Variants in HSD17B12 observed in about 807,000 individuals in gnomAD.
HSD17B12 encodes very-long-chain 3-oxoacyl-CoA reductase.
A neutral mutation model predicts 39.3 loss-of-function variants in HSD17B12; 32 were observed. That is an observed-to-expected ratio of 0.81 (90% CI 0.61 to 1.09). The LOEUF is 1.09. Ranked by LOEUF, HSD17B12 falls within the 50% of genes least tolerant of loss-of-function variation. The probability of loss-of-function intolerance (pLI) is 0.00; values close to 1 mark genes in which losing one functional copy is unlikely to be tolerated. For synonymous variants in HSD17B12, 150 were observed against 146.7 expected (o/e 1.02, Z -0.16); for missense variants, 342 against 382.9 (o/e 0.89, Z 0.89).
intron 3 of HSD17B12, among the ~76,000 whole-genome samples, chr11:43,790,813 G>A (rs945587292): frequency 9.3e-5 from 14 of 151,002 alleles, no homozygotes; most frequent in African/African-American, 3.4e-4. Flanking sequence ...CCAACATGGT[G>A]AAACCCCATC....
intron 1 of HSD17B12, among the ~76,000 whole-genome samples, chr11:43,724,949 G>A (rs1950208093): frequency 6.6e-6 from 1 of 152,116 alleles, no homozygotes. Flanking sequence ...TAAAAACTCA[G>A]ATTCCCAGAG....
chr11:43,574,023 C>T, the HSD17B12 span, among the ~76,000 whole-genome samples: 1 of 152,220 alleles, frequency 6.6e-6, no homozygotes, highest in Non-Finnish European at 1.5e-5. Context: ...CAGCAACATT[C>T]TCACATGCAT....
chr11:43,839,967 G>A (rs780462642), intron 8 of HSD17B12, 32 bp from the exon 9 acceptor site: 1 of 1,538,170 alleles, frequency 6.5e-7, no homozygotes, highest in South Asian at 1.1e-5. Context: ...TGTAATGTGT[G>A]TGTTTTCTTC....
At chr11:43,742,758 G>GTTT in intron 1 of HSD17B12, among the ~76,000 whole-genome samples, 1 of 149,680 alleles carries the variant, frequency 6.7e-6, no homozygotes. Flanking sequence ...TTTTGTGTGT[G>GTTT]TGTTTTTTTT....
the HSD17B12 span, among the ~76,000 whole-genome samples, chr11:43,620,663 C>G: frequency 6.6e-6 from 1 of 152,162 alleles, no homozygotes; most frequent in Non-Finnish European, 1.5e-5. Context: ...TTTTTCTTGA[C>G]AGCACCCCAT....
chr11:43,572,573 A>T, the HSD17B12 span, among the ~76,000 whole-genome samples: 2 of 152,212 alleles, frequency 1.3e-5, no homozygotes, highest in South Asian at 2.1e-4. Flanking sequence ...CAAGCTGTTT[A>T]AACGTTATGG....
In HSD17B12 at chr11:43,856,101, GACT is replaced by G. The variant is rs1951581066; in HGVS notation, c.*854_*856del. 1 of 152,210 alleles carries G rather than the reference GACT, an allele frequency of 6.6e-6. No individual in the cohort carries two copies. Among genetic ancestry groups the G allele is most frequent in the Non-Finnish European group, 1.5e-5 (1 of 68,034 alleles). The allele number at this position is 152,210 out of a possible 1,614,324, so 9.4% of individuals were successfully genotyped here. On this transcript the variant is annotated 3_prime_UTR_variant, in exon 11 of 11. Transcript: ENST00000278353. ...CACAGGCTAGTCCTATAAAAGTAAT[GACT>G]TCATAGAAATGGCATTATAATTTTT...
At chr11:43,734,160 G>T in intron 1 of HSD17B12, 1 of 1,568,416 alleles carries the variant, frequency 6.4e-7, no homozygotes, top group East Asian at 2.3e-5. Flanking sequence ...TTTGATGCTG[G>T]AGAACTAATC....
intron 9 of HSD17B12, chr11:43,852,827 A>T (rs1000659414): frequency 6.6e-6 from 1 of 152,176 alleles, no homozygotes; most frequent in African/African-American, 2.4e-5. Context: ...AAAGTTACCT[A>T]ATCAAAGTTG....
At chr11:43,841,394 G>T (rs1951424609) in intron 9 of HSD17B12, among the ~76,000 whole-genome samples, 1 of 152,098 alleles carries the variant, frequency 6.6e-6, no homozygotes, top group South Asian at 2.1e-4. Context: ...TTTTAATTTT[G>T]ATGTAGTCCA....
At chr11:43,785,068 AGT>A (rs2135019120) in intron 3 of HSD17B12, among the ~76,000 whole-genome samples, 1 of 149,608 alleles carries the variant, frequency 6.7e-6, no homozygotes, top group African/African-American at 2.5e-5. Flanking sequence ...GGCTGCTGAC[AGT>A]GTTTTCAGCC....
At chr11:43,844,373 T>C (rs1951455357) in intron 9 of HSD17B12, among the ~76,000 whole-genome samples, 1 of 152,188 alleles carries the variant, frequency 6.6e-6, no homozygotes, top group South Asian at 2.1e-4. Flanking sequence ...TATAATCATT[T>C]CCTGGGAATG....
At chr11:43,750,831 A>T (rs565281705) in intron 1 of HSD17B12, 80 bp from the exon 2 acceptor site, 90 of 899,428 alleles carry the variant, frequency 1.0e-4, no homozygotes, top group Non-Finnish European at 1.5e-4. Flanking sequence ...GTCCTTTTGT[A>T]TGTAATTGGT....
chr11:43,622,465 T>G, the HSD17B12 span, among the ~76,000 whole-genome samples: 2 of 151,942 alleles, frequency 1.3e-5, no homozygotes, highest in Non-Finnish European at 2.9e-5. Context: ...TAAAATAAAT[T>G]TTTTACTTAA....
chr11:43,835,776 C>G (rs1156277226), intron 7 of HSD17B12, among the ~76,000 whole-genome samples: 1 of 152,140 alleles, frequency 6.6e-6, no homozygotes, highest in African/African-American at 2.4e-5. Flanking sequence ...CAAAGCAACT[C>G]CACCTCCTAG....
intron 1 of HSD17B12, among the ~76,000 whole-genome samples, chr11:43,716,550 G>A (rs1019697417): frequency 8.6e-5 from 13 of 151,682 alleles, no homozygotes; most frequent in South Asian, 6.2e-4. Context: ...CATTCATTTC[G>A]CAAACCCTTA....
chr11:43,786,725 A>G (rs1950818687), intron 3 of HSD17B12, among the ~76,000 whole-genome samples: 1 of 152,202 alleles, frequency 6.6e-6, no homozygotes, highest in African/African-American at 2.4e-5. Context: ...GAAAACTGAT[A>G]TTTGTGAGAA....
the HSD17B12 span, among the ~76,000 whole-genome samples, chr11:43,652,077 C>T: frequency 6.6e-6 from 1 of 152,120 alleles, no homozygotes; most frequent in South Asian, 2.1e-4. Flanking sequence ...GATCTATAGA[C>T]TCAAAGCAAT....
intron 1 of HSD17B12, among the ~76,000 whole-genome samples, chr11:43,740,345 G>T (rs923436691): frequency 2.0e-5 from 3 of 152,084 alleles, no homozygotes; most frequent in African/African-American, 2.4e-5. Context: ...TTATAATGAT[G>T]TGAATATTAT....
Sources: allele counts gnomAD v4.1 joint callset (sites outside exome capture counted in the v4.1 genomes callset), GRCh38; gene constraint gnomAD v4.1.1; transcripts MANE v1.5; gene names NCBI Gene and HGNC (gene_info 2026-07-23, HGNC 2026-07-21).